The following MCF2L2 variants were observed in gnomAD, a reference collection of about 807,000 sequenced individuals.
The protein encoded by MCF2L2 is MCF.2 cell line derived transforming sequence-like 2.
Under a neutral mutation model 150.2 loss-of-function variants are expected in MCF2L2, and 102 were observed. That is an observed-to-expected ratio of 0.68 (90% CI 0.58 to 0.80). The LOEUF (loss-of-function observed/expected upper bound fraction) is 0.80, where lower values mean the gene tolerates loss of function less well. MCF2L2 is among the 30% of genes least tolerant of loss of function. MCF2L2 has a pLI of 0.00. For missense variants in MCF2L2, 1,256 were observed against 1,372.8 expected, an observed-to-expected ratio of 0.91 and a Z score of 1.34; for synonymous variants, 465 against 491.3, an observed-to-expected ratio of 0.95 and a Z score of 0.71.
chr3:183,356,354 A>C (rs1711782737), intron 3 of MCF2L2, among the ~76,000 whole-genome samples: 1 of 152,040 alleles, frequency 6.6e-6, no homozygotes, highest in African/African-American at 2.4e-5. Context: ...CTCTACTAAA[A>C]ATATAAAAAT....
chr3:183,341,536 T>A lies in MCF2L2; in HGVS notation c.366+4A>T. The stretch of plus-strand genomic sequence containing the variant: ...ATAATAAAAGCACAAAAATAAATAT[T>A]TACAGCTATTCGTGTCAAGGATGCC... On this transcript the variant is annotated splice_donor_region_variant and intron_variant, in intron 4 of 29. Transcript: ENST00000328913. 1 of 1,600,094 alleles carries A rather than the reference T, an allele frequency of 6.2e-7. No individual in the cohort carries two copies. Among genetic ancestry groups the A allele is most frequent in the Non-Finnish European group, 8.6e-7 (1 of 1,167,218 alleles).
intron 3 of MCF2L2, among the ~76,000 whole-genome samples, chr3:183,367,274 G>A (rs1364520618): frequency 1.3e-5 from 2 of 148,336 alleles, no homozygotes; most frequent in Admixed American, 1.3e-4. Flanking sequence ...TGCCCAGGCT[G>A]GAGTGCAACA....
At chr3:183,193,280 A>C (rs1721964500) in intron 26 of MCF2L2, among the ~76,000 whole-genome samples, 184 bp from the exon 27 acceptor site, 1 of 152,154 alleles carries the variant, frequency 6.6e-6, no homozygotes, top group Non-Finnish European at 1.5e-5. Context: ...CGCAGTAAGG[A>C]AATGTCCAAA....
chr3:183,350,764 C>A (rs542363992), intron 3 of MCF2L2, among the ~76,000 whole-genome samples: 18 of 152,062 alleles, frequency 1.2e-4, no homozygotes, highest in African/African-American at 3.9e-4. Context: ...ATTAGCTGGG[C>A]GTGGTGGCGG....
chr3:183,179,750 C>A lies in MCF2L2; in HGVS notation c.3106-58G>T. On this transcript the variant is annotated intron_variant, in intron 28 of 29. Coordinates refer to ENST00000328913, the MANE Select transcript of MCF2L2 (RefSeq NM_015078.4). The surrounding 1 kb of genome is among the most constrained non-coding windows in gnomAD (Gnocchi z 4.2). Reference sequence around the variant, plus strand: ...TTATTGCTGGAGGCTGTGGCCAGACCGGGCAAGGTGGTGACTCCCGCTGGC... The same window carrying A: ...TTATTGCTGGAGGCTGTGGCCAGACAGGGCAAGGTGGTGACTCCCGCTGGC... 7 of 1,483,838 alleles carry A rather than the reference C, an allele frequency of 4.7e-6. No individual in the cohort carries two copies. The highest frequency in any genetic ancestry group is 3.5e-5 in the South Asian group (3 of 85,676). 91.9% of individuals were successfully genotyped at this position (1,483,838 alleles called of 1,614,324 possible).
chr3:183,257,500 G>C (rs943564415), intron 15 of MCF2L2, among the ~76,000 whole-genome samples: 1 of 152,040 alleles, frequency 6.6e-6, no homozygotes, highest in Non-Finnish European at 1.5e-5. Flanking sequence ...CTACTTTCAG[G>C]GCTGCCCGCT....
At position 183,310,944 on chromosome 3, in the gene MCF2L2, G is replaced by A; in HGVS notation, c.964C>T (p.Leu322=). 1 of 1,613,656 alleles carries A rather than the reference G, an allele frequency of 6.2e-7. No homozygotes were observed. The highest frequency in any genetic ancestry group is 8.5e-7 in the Non-Finnish European group (1 of 1,179,620). Residue 322 remains leucine (L), a synonymous_variant, in exon 9 of 30, where the codon CTA becomes TTA. Coordinates refer to ENST00000328913, the MANE Select transcript of MCF2L2 (RefSeq NM_015078.4). ...CAAAAATCGTGCTCAAAATGCTGTA[G>A]TTGTAGGCACTGGTTAAGCTTCAGA... The part of the protein sequence containing the change: ...HHLKLNQCLQ[L]QHFEHDFCKA...
At chr3:183,276,317 A>G (rs1727152138) in intron 15 of MCF2L2, among the ~76,000 whole-genome samples, 1 of 152,254 alleles carries the variant, frequency 6.6e-6, no homozygotes, top group Non-Finnish European at 1.5e-5. Flanking sequence ...CGCCATGGAT[A>G]AAAGCTTACA....
At chr3:183,234,076 C>T (rs113103528) in intron 15 of MCF2L2, among the ~76,000 whole-genome samples, 1 of 152,108 alleles carries the variant, frequency 6.6e-6, no homozygotes, top group Non-Finnish European at 1.5e-5. Flanking sequence ...ATAAATCACC[C>T]GGAAACAACA....
intron 11 of MCF2L2, 81 bp from the exon 12 acceptor site, chr3:183,297,248 G>A: frequency 8.2e-7 from 1 of 1,225,372 alleles, no homozygotes; most frequent in Middle Eastern, 2.7e-4. Flanking sequence ...GTCTGAGCTT[G>A]TAAGGTGTCT....
At chr3:183,315,737 T>C (rs1454434607) in intron 7 of MCF2L2, among the ~76,000 whole-genome samples, 1 of 152,188 alleles carries the variant, frequency 6.6e-6, no homozygotes, top group Non-Finnish European at 1.5e-5. Flanking sequence ...TTTGCCTGTG[T>C]AGAGAAACTA....
At chr3:183,335,200 C>T (rs1369671091) in intron 5 of MCF2L2, among the ~76,000 whole-genome samples, 1 of 151,714 alleles carries the variant, frequency 6.6e-6, no homozygotes, top group East Asian at 1.9e-4. Context: ...GATATGATAA[C>T]TAAATCCACG....
Position 183,297,128 on chromosome 3 carries a change from A to G in MCF2L2, c.1345T>C (p.Ser449Pro). Reference protein sequence around the residue: ...WCEAGIYLLASQAVDKCQSRE... With the variant: ...WCEAGIYLLAPQAVDKCQSRE... ...GACTGGCACTTGTCTACAGCTTGGG[A>G]AGCCAAGAGGTAGATTCCTGCCTCA... Residue 449 changes from serine (S) to proline (P), a missense_variant, in exon 12 of 30, where the codon TCC becomes CCC. By Grantham distance (74) the Ser-to-Pro change is moderately conservative. Transcript: ENST00000328913. 1 of 1,614,064 alleles carries G rather than the reference A, an allele frequency of 6.2e-7. No individual in the cohort carries two copies. The highest frequency in any genetic ancestry group is 8.5e-7 in the Non-Finnish European group (1 of 1,180,006).
chr3:183,183,512 A>T (rs1482678211), intron 27 of MCF2L2, among the ~76,000 whole-genome samples: 2 of 152,204 alleles, frequency 1.3e-5, no homozygotes, highest in African/African-American at 4.8e-5. Flanking sequence ...GGTGCTCTGG[A>T]GTCAGTCAGA....
chr3:183,412,273 T>C (rs1715352284), intron 1 of MCF2L2, among the ~76,000 whole-genome samples: 1 of 146,566 alleles, frequency 6.8e-6, no homozygotes, highest in African/African-American at 2.7e-5. Context: ...TCTTCTCTAA[T>C]TGTTTGTTTG....
intron 21 of MCF2L2, among the ~76,000 whole-genome samples, chr3:183,218,664 T>C (rs1723035876): frequency 6.6e-6 from 1 of 152,118 alleles, no homozygotes; most frequent in Admixed American, 6.6e-5. Context: ...AATAATTTTT[T>C]TTTAAAGTTC....
Position 183,358,319 on chromosome 3 carries a change from A to C in MCF2L2, c.276-16689T>G, listed in dbSNP as rs986020837. ...AAGAAAAATAAATAAATAAGAAAAA[A>C]AAGAAAAGAAAAAGAAGAGTGTGGT... On this transcript the variant is annotated intron_variant, in intron 3 of 29. Coordinates refer to ENST00000328913, the MANE Select transcript of MCF2L2 (RefSeq NM_015078.4). Among the ~76,000 whole-genome samples the C allele has an allele frequency of 5.9e-5, 9 of 152,152 alleles. 1 individual carries two copies. Among genetic ancestry groups the C allele is most frequent in the African/African-American group, 2.2e-4 (9 of 41,442 alleles).
intron 25 of MCF2L2, among the ~76,000 whole-genome samples, chr3:183,202,082 C>T (rs1209669368): frequency 5.9e-5 from 9 of 152,136 alleles, no homozygotes; most frequent in Non-Finnish European, 5.9e-5. Context: ...AGCAGTCTGG[C>T]AGCCATGGGA....
intron 15 of MCF2L2, among the ~76,000 whole-genome samples, chr3:183,249,232 C>T (rs564826570): frequency 6.6e-6 from 1 of 152,336 alleles, no homozygotes; most frequent in South Asian, 2.1e-4. Flanking sequence ...ACCCTGTATG[C>T]TTCCGGGAGT....
Sources: allele counts gnomAD v4.1 joint callset (sites outside exome capture counted in the v4.1 genomes callset), GRCh38; gene constraint gnomAD v4.1.1; non-coding constraint Gnocchi (gnomAD v3.1); transcripts MANE v1.5; gene names NCBI Gene and HGNC (gene_info 2026-07-23, HGNC 2026-07-21).